The following TSPAN4 variants were observed in gnomAD, a reference collection of about 807,000 sequenced individuals.
TSPAN4 encodes the protein tetraspanin-4.
Under a neutral mutation model 31.5 loss-of-function variants are expected in TSPAN4, and 38 were observed. That is an observed-to-expected ratio of 1.21 (90% CI 0.93 to 1.58). TSPAN4 has a LOEUF of 1.58. TSPAN4 is among the 40% of genes most tolerant of loss of function. The pLI is 0.00. For missense variants in TSPAN4, 330 were observed against 317.3 expected, an observed-to-expected ratio of 1.04 and a Z score of -0.30; for synonymous variants, 186 against 144.6, an observed-to-expected ratio of 1.29 and a Z score of -2.06.
intron 2 of TSPAN4, among the ~76,000 whole-genome samples, chr11:847,831 G>T (rs1847406326): frequency 6.6e-6 from 1 of 152,112 alleles, no homozygotes; most frequent in South Asian, 2.1e-4. Flanking sequence ...CACCCGCCTG[G>T]GACCCTCGAG....
chr11:844,437 G>A (rs1308702320), intron 1 of TSPAN4: 2 of 152,334 alleles, frequency 1.3e-5, no homozygotes, highest in African/African-American at 4.8e-5. Flanking sequence ...GAGCCCCTGA[G>A]ATCTGGAGAC....
intron 1 of TSPAN4, among the ~76,000 whole-genome samples, chr11:846,316 G>GACA (rs1847321900): frequency 6.6e-6 from 1 of 152,232 alleles, no homozygotes; most frequent in African/African-American, 2.4e-5. Context: ...CCTCCGTCTG[G>GACA]CCTTGTGGGT....
chr11:859,244 C>A, intron 3 of TSPAN4, among the ~76,000 whole-genome samples: 1 of 120,976 alleles, frequency 8.3e-6, no homozygotes, highest in Non-Finnish European at 1.7e-5. Flanking sequence ...CCCGCTCACA[C>A]ACACCCCCAC....
At chr11:856,411 C>G (rs985611462) in intron 3 of TSPAN4, among the ~76,000 whole-genome samples, 11 of 151,814 alleles carry the variant, frequency 7.2e-5, no homozygotes, top group African/African-American at 2.7e-4. Flanking sequence ...AGGACAGGCC[C>G]CAGGCACCGC....
Position 865,550 on chromosome 11 carries a change from T to A in TSPAN4, c.368T>A (p.Leu123Ter). 1 of 1,612,452 alleles carries A rather than the reference T, an allele frequency of 6.2e-7. No homozygotes were observed. Among genetic ancestry groups the A allele is most frequent in the Non-Finnish European group, 8.5e-7 (1 of 1,179,866 alleles). Residue 123 changes from leucine to a stop codon, truncating the protein, a stop_gained, in exon 6 of 9, where the codon TTG becomes TAG. Coordinates refer to ENST00000397397, the MANE Select transcript of TSPAN4 (RefSeq NM_003271.5). LOFTEE classifies it high-confidence loss of function. Reference sequence around the variant, plus strand: ...GCCCAGCAAGACCTGAAGAAAGGCTTGCACCTGTACGGCACGCAGGGCAAC... The same window carrying A: ...GCCCAGCAAGACCTGAAGAAAGGCTAGCACCTGTACGGCACGCAGGGCAAC... ...RYAQQDLKKG[L>*]HLYGTQGNVG...
intron 5 of TSPAN4, 35 bp downstream of exon 5, chr11:864,546 G>C (rs374759703): frequency 6.2e-7 from 1 of 1,608,642 alleles, no homozygotes; most frequent in Non-Finnish European, 8.5e-7. Context: ...CAACTGCAGG[G>C]CTGGGGGCTC....
chr11:851,288 G>T (rs1043889052), intron 3 of TSPAN4, among the ~76,000 whole-genome samples: 1 of 152,206 alleles, frequency 6.6e-6, no homozygotes, highest in Non-Finnish European at 1.5e-5. Flanking sequence ...GCTGGGGGAG[G>T]TGAAGTGATA....
chr11:844,201 G>A (rs1209903551), intron 1 of TSPAN4: 2 of 152,610 alleles, frequency 1.3e-5, no homozygotes, highest in East Asian at 1.9e-4. Flanking sequence ...GGGGGGCAGG[G>A]GGGTCCCGGA....
At chr11:856,175 G>GC (rs1198618487) in intron 3 of TSPAN4, among the ~76,000 whole-genome samples, 1 of 149,842 alleles carries the variant, frequency 6.7e-6, no homozygotes, top group African/African-American at 2.4e-5. Context: ...CTGGGGGACG[G>GC]CCCCCCGAGC....
chr11:864,455 C>CT lies in TSPAN4; in HGVS notation c.275dup (p.Val93GlyfsTer20). ...TCCACAGTTCTTCCTGCTGCTGCTG[C>CT]TGGTGTTCCTGCTGGAGGCCACCAT... On this transcript the variant is annotated frameshift_variant, in exon 5 of 9. Coordinates refer to ENST00000397397, the MANE Select transcript of TSPAN4 (RefSeq NM_003271.5). LOFTEE classifies it high-confidence loss of function. 13 of 1,612,508 alleles carry CT rather than the reference C, an allele frequency of 8.1e-6. No homozygotes were observed. The highest frequency in any genetic ancestry group is 1.1e-5 in the Non-Finnish European group (13 of 1,179,908).
intron 3 of TSPAN4, among the ~76,000 whole-genome samples, chr11:859,131 C>T (rs1848259311): frequency 7.5e-6 from 1 of 132,488 alleles, no homozygotes. Flanking sequence ...GGCTCACACG[C>T]ACCCCTGGGC....
rs145137446 is a variant in TSPAN4, at chr11:866,627, G to A, written c.714G>A (p.Ala238=). ...CQVVKADTYC[A] ...TGGTCAAGGCAGACACCTACTGCGC[G>A]TAGGCCGCCCACCGCCCGCTTCTCT... is the stretch of plus-strand genomic sequence containing the variant. Residue 238 remains alanine (A), a synonymous_variant, in exon 9 of 9, where the codon GCG becomes GCA. Transcript: ENST00000397397. 2.5e-5 allele frequency: 40 copies of A among 1,611,856 alleles called. No homozygotes were observed. The highest frequency in any genetic ancestry group is 1.6e-4 in the Middle Eastern group (1 of 6,072).
chr11:846,501 C>T (rs1008359246), intron 1 of TSPAN4, among the ~76,000 whole-genome samples: 5 of 152,120 alleles, frequency 3.3e-5, no homozygotes, highest in Admixed American at 1.3e-4. Flanking sequence ...TTCTGAGGGG[C>T]GAGGTGTTGC....
At chr11:861,629 G>A (rs958011071) in intron 3 of TSPAN4, among the ~76,000 whole-genome samples, 5 of 151,894 alleles carry the variant, frequency 3.3e-5, no homozygotes, top group South Asian at 2.1e-4. Flanking sequence ...GGAGAATGGC[G>A]TGAACCCGGG....
chr11:851,726 G>A (rs569001716), intron 3 of TSPAN4, among the ~76,000 whole-genome samples: 4 of 151,992 alleles, frequency 2.6e-5, no homozygotes, highest in Non-Finnish European at 5.9e-5. Flanking sequence ...TGGTGGGTGT[G>A]GGGGGTGGGC....
Position 845,087 on chromosome 11 carries a change from C to G in TSPAN4, c.-117-2114C>G, listed in dbSNP as rs1365894935. ...CAGAAACTGCCCGCCCGGAGGGCTG[C>G]ATCCCTCCTGCCGCTGAGGCTGGGC... On this transcript the variant is annotated intron_variant, in intron 1 of 8. Transcript: ENST00000397397. Among the ~76,000 whole-genome samples, 3 of 152,298 alleles carry G rather than the reference C, an allele frequency of 2.0e-5. No individual in the cohort carries two copies. The East Asian group carries it at 5.8e-4, about 29-fold the overall frequency.
intron 3 of TSPAN4, among the ~76,000 whole-genome samples, chr11:852,269 G>A (rs562411071): frequency 2.0e-5 from 3 of 152,094 alleles, no homozygotes; most frequent in African/African-American, 2.4e-5. Flanking sequence ...GATTACAGGC[G>A]CGCATCACCA....
chr11:862,458 G>C (rs1004237380), intron 3 of TSPAN4, 92 bp from the exon 4 acceptor site: 7 of 1,249,394 alleles, frequency 5.6e-6, no homozygotes, highest in Non-Finnish European at 7.7e-6. Context: ...AGGCGGCATG[G>C]CTTTGGGCTT....
intron 8 of TSPAN4, among the ~76,000 whole-genome samples, chr11:866,215 G>A (rs1377501327): frequency 6.6e-6 from 1 of 152,156 alleles, no homozygotes; most frequent in Non-Finnish European, 1.5e-5. Flanking sequence ...GGTGTGGGGT[G>A]GAGGCCGGTG....
Sources: gnomAD v4.1 joint callset for allele counts (sites outside exome capture counted in the v4.1 genomes callset) on GRCh38, gnomAD v4.1.1 for gene constraint, MANE v1.5 for transcripts, NCBI Gene and HGNC (gene_info 2026-07-23, HGNC 2026-07-21) for gene names.